The following NARS2 variants were observed in gnomAD, a reference collection of about 807,000 sequenced individuals.
NARS2 encodes the protein asparaginyl-tRNA synthetase.
In NARS2, 60 loss-of-function variants were observed where a neutral mutation model predicts 62.9. That is an observed-to-expected ratio of 0.95 (90% CI 0.77 to 1.18). The LOEUF is 1.18. NARS2 is among the 50% of genes most tolerant of loss of function. The probability of loss-of-function intolerance (pLI) is 0.00; values close to 1 mark genes in which losing one functional copy is unlikely to be tolerated. For missense variants in NARS2, 619 were observed against 576.4 expected, an observed-to-expected ratio of 1.07 and a Z score of -0.76; for synonymous variants, 196 against 200.0, an observed-to-expected ratio of 0.98 and a Z score of 0.17.
At position 78,574,409 on chromosome 11, in the gene NARS2, T is replaced by C. The variant is rs759537113; in HGVS notation, c.80A>G (p.Lys27Arg). 1.9e-6 allele frequency: 3 copies of C among 1,614,170 alleles called. No individual in the cohort carries two copies. The South Asian group carries it at 3.3e-5, about 18-fold the overall frequency. ...APFPKHKPSA[K>R]LSVRDALGAQ... ...CCCGAGAGCGTCCCGCACGCTCAGTTTGGCTGAAGGTTTGTGCTTGGGGAA... is the reference window on the plus strand; with the variant it reads ...CCCGAGAGCGTCCCGCACGCTCAGTCTGGCTGAAGGTTTGTGCTTGGGGAA... The change falls in exon 1 of 14, where the codon AAA becomes AGA. Residue 27 changes from lysine (K) to arginine (R), a missense_variant. Lys to Arg is a conservative substitution (Grantham distance 26, BLOSUM62 2). Transcript: ENST00000281038.
chr11:78,469,417 G>GAATA (rs1858771818), intron 9 of NARS2, 104 bp from the exon 10 acceptor site: 1 of 774,444 alleles, frequency 1.3e-6, no homozygotes, highest in Non-Finnish European at 2.2e-6. Context: ...ACACTGTGAG[G>GAATA]TCATGAATAA....
chr11:78,468,622 T>A (rs1171789590), intron 10 of NARS2, among the ~76,000 whole-genome samples: 4 of 151,710 alleles, frequency 2.6e-5, no homozygotes, highest in Admixed American at 1.3e-4. Context: ...GCCAGGATGG[T>A]CTCGATCTCC....
intron 11 of NARS2, among the ~76,000 whole-genome samples, chr11:78,462,818 C>T (rs1251964583): frequency 6.6e-6 from 1 of 152,102 alleles, no homozygotes; most frequent in Non-Finnish European, 1.5e-5. Flanking sequence ...TACAGTCAAA[C>T]AGATAACCCT....
intron 6 of NARS2, among the ~76,000 whole-genome samples, chr11:78,506,307 A>G (rs535018198): frequency 1.3e-5 from 2 of 152,366 alleles, no homozygotes; most frequent in Non-Finnish European, 2.9e-5. Context: ...AAAGTTAAGC[A>G]TTAACTTAAT....
chr11:78,526,327 G>C (rs904590514), intron 6 of NARS2, among the ~76,000 whole-genome samples: 3 of 152,022 alleles, frequency 2.0e-5, no homozygotes, highest in African/African-American at 4.8e-5. Flanking sequence ...AAGCAACAGA[G>C]ATATCCTTTT....
chr11:78,450,471 C>T (rs1857928463), intron 11 of NARS2, among the ~76,000 whole-genome samples: 1 of 152,128 alleles, frequency 6.6e-6, no homozygotes, highest in Admixed American at 6.5e-5. Context: ...TGAAAATTCA[C>T]ATTCTCTCCA....
At chr11:78,548,043 C>T (rs1474372745) in intron 5 of NARS2, among the ~76,000 whole-genome samples, 1 of 152,084 alleles carries the variant, frequency 6.6e-6, no homozygotes, top group Non-Finnish European at 1.5e-5. Context: ...AACATAATGA[C>T]CTTGTCTCTA....
chr11:78,527,369 A>T (rs1861330592), intron 6 of NARS2, among the ~76,000 whole-genome samples: 1 of 152,206 alleles, frequency 6.6e-6, no homozygotes, highest in Non-Finnish European at 1.5e-5. Context: ...GCATAAGAAC[A>T]TTCCATGACA....
In NARS2 at chr11:78,505,163, TAGTTCCAAC is replaced by T. The variant is rs1860438889; in HGVS notation, c.690-11977_690-11969del. 2.0e-5 allele frequency among the ~76,000 whole-genome samples: 3 copies of T among 151,834 alleles called. No homozygotes were observed. In the South Asian group the frequency reaches 6.2e-4, roughly 32 times the overall value. Reference sequence around the variant, plus strand: ...AGCCAGGAGTGGTAGCTCATGTCTGTAGTTCCAACAGTTTGGGAGACTGAGGAGGGAGGA... The same window carrying T: ...AGCCAGGAGTGGTAGCTCATGTCTGTAGTTTGGGAGACTGAGGAGGGAGGA... On this transcript the variant is annotated intron_variant, in intron 6 of 13. Coordinates refer to ENST00000281038, the MANE Select transcript of NARS2 (RefSeq NM_024678.6).
chr11:78,474,965 T>C (rs550364817), intron 9 of NARS2, among the ~76,000 whole-genome samples: 2 of 152,256 alleles, frequency 1.3e-5, no homozygotes, highest in East Asian at 1.9e-4. Context: ...AATTTTGAGA[T>C]ATACATTACA....
At chr11:78,440,653 C>T (rs1431832309) in intron 13 of NARS2, among the ~76,000 whole-genome samples, 1 of 152,070 alleles carries the variant, frequency 6.6e-6, no homozygotes, top group East Asian at 1.9e-4. Flanking sequence ...CTGCCTCAGC[C>T]TCCCAAGTAG....
chr11:78,494,722 G>A (rs1428129903), intron 6 of NARS2, among the ~76,000 whole-genome samples: 1 of 152,082 alleles, frequency 6.6e-6, no homozygotes, highest in Non-Finnish European at 1.5e-5. Flanking sequence ...TTTCTTCCAA[G>A]ATTCAGCTAC....
chr11:78,559,213 G>C (rs540207191), intron 5 of NARS2, among the ~76,000 whole-genome samples: 1 of 135,042 alleles, frequency 7.4e-6, no homozygotes, highest in Non-Finnish European at 1.5e-5. Flanking sequence ...CGAGGCAGGA[G>C]AATCGCTTGA....
In NARS2 at chr11:78,574,585, G is replaced by C; in HGVS notation, c.-97C>G. On this transcript the variant is annotated 5_prime_UTR_variant, in exon 1 of 14. Coordinates refer to ENST00000281038, the MANE Select transcript of NARS2 (RefSeq NM_024678.6). The stretch of plus-strand genomic sequence containing the variant: ...CCTTTCTCAGCTGCTCCCCTTCCGC[G>C]GCCGCAGCTCTGCTCTAAGGCACTC... 1 of 1,391,590 alleles carries C rather than the reference G, an allele frequency of 7.2e-7. No individual in the cohort carries two copies. The highest frequency in any genetic ancestry group is 1.4e-5 in the South Asian group (1 of 70,990). The allele number at this position is 1,391,590 out of a possible 1,614,324, so 86.2% of individuals were successfully genotyped here. A position where few individuals can be genotyped will look rare whatever the true frequency, so the allele number is the denominator to read the frequency against.
At chr11:78,553,331 T>C (rs1449450792) in intron 5 of NARS2, among the ~76,000 whole-genome samples, 1 of 151,674 alleles carries the variant, frequency 6.6e-6, no homozygotes. Context: ...CTCTGTTACC[T>C]AGGCTAGAGT....
intron 4 of NARS2, among the ~76,000 whole-genome samples, chr11:78,563,790 C>T (rs1856632443): frequency 8.3e-6 from 1 of 120,944 alleles, no homozygotes; most frequent in Non-Finnish European, 1.6e-5. Context: ...AAGATCATGC[C>T]ACTGCACTCC....
At position 78,514,495 on chromosome 11, in the gene NARS2, A is replaced by C. The variant is rs182099914; in HGVS notation, c.689+14347T>G. The stretch of plus-strand genomic sequence containing the variant: ...AGTAACCTGCACTTGCTTTTAGAGA[A>C]TATCAACAGGCACAGCATTTCAGGC... On this transcript the variant is annotated intron_variant, in intron 6 of 13. Transcript: ENST00000281038. Among the ~76,000 whole-genome samples the C allele has an allele frequency of 3.5e-3, 529 of 152,344 alleles. 7 individuals are homozygous for C. The highest frequency in any genetic ancestry group is 0.011 in the African/African-American group (453 of 41,582).
chr11:78,487,844 A>G (rs187348224), intron 7 of NARS2, among the ~76,000 whole-genome samples: 22 of 152,342 alleles, frequency 1.4e-4, no homozygotes, highest in Non-Finnish European at 2.9e-4. Context: ...TATCCTGTGG[A>G]AGCATCTTTC....
chr11:78,510,283 A>C (rs1380592802), intron 6 of NARS2, among the ~76,000 whole-genome samples: 1 of 152,174 alleles, frequency 6.6e-6, no homozygotes, highest in Non-Finnish European at 1.5e-5. Context: ...AAAGGATGGA[A>C]AAAAAATTTT....
Sources: gnomAD v4.1 joint callset for allele counts (sites outside exome capture counted in the v4.1 genomes callset) on GRCh38, gnomAD v4.1.1 for gene constraint, MANE v1.5 for transcripts, NCBI Gene and HGNC (gene_info 2026-07-23, HGNC 2026-07-21) for gene names.